The following SKAP1 variants were observed in gnomAD, a reference collection of about 807,000 sequenced individuals.
SKAP1 encodes the protein src kinase associated phosphoprotein 1, also known as src kinase-associated phosphoprotein 1.
In SKAP1, 44 loss-of-function variants were observed where a neutral mutation model predicts 58.5. That is an observed-to-expected ratio of 0.75 (90% CI 0.59 to 0.97). The LOEUF (loss-of-function observed/expected upper bound fraction) is 0.97. Ranked by LOEUF, SKAP1 falls within the 50% of genes least tolerant of loss-of-function variation. SKAP1 has a pLI of 0.00. For synonymous variants in SKAP1, 127 were observed against 149.7 expected (o/e 0.85, Z 1.11); for missense variants, 390 against 435.2 (o/e 0.90, Z 0.92).
intron 9 of SKAP1, 37 bp from the exon 10 acceptor site, chr17:48,170,696 TTCACAGTC>T: frequency 6.4e-7 from 1 of 1,553,704 alleles, no homozygotes; most frequent in Non-Finnish European, 8.8e-7. Flanking sequence ...CAATTAGTGG[TTCACAGTC>T]TCATGTTCTT....
intron 4 of SKAP1, among the ~76,000 whole-genome samples, chr17:48,275,274 C>T (rs1168657049): frequency 6.6e-6 from 1 of 152,134 alleles, no homozygotes; most frequent in East Asian, 1.9e-4. Context: ...CTTCTTAGTC[C>T]TTATTCTCTC....
intron 4 of SKAP1, among the ~76,000 whole-genome samples, chr17:48,326,827 T>A (rs1312151058): frequency 6.6e-6 from 1 of 152,128 alleles, no homozygotes; most frequent in Non-Finnish European, 1.5e-5. Context: ...TAAAATGCTT[T>A]CTTCCTAAAG....
intron 9 of SKAP1, among the ~76,000 whole-genome samples, chr17:48,173,577 C>A (rs949255907): frequency 6.6e-6 from 1 of 152,124 alleles, no homozygotes; most frequent in Non-Finnish European, 1.5e-5. Flanking sequence ...TAGAGATACC[C>A]AATAATTTGG....
chr17:48,166,736 G>A (rs1157152158), intron 10 of SKAP1, among the ~76,000 whole-genome samples: 1 of 152,208 alleles, frequency 6.6e-6, no homozygotes, highest in African/African-American at 2.4e-5. Context: ...TCCTACGAGA[G>A]GATGGGATGG....
chr17:48,186,402 C>A (rs1358605219), intron 6 of SKAP1, among the ~76,000 whole-genome samples: 2 of 152,158 alleles, frequency 1.3e-5, no homozygotes, highest in African/African-American at 4.8e-5. Flanking sequence ...CAGTGTGAGA[C>A]AATTGCTTGG....
intron 4 of SKAP1, among the ~76,000 whole-genome samples, chr17:48,270,540 T>C (rs982586063): frequency 6.6e-6 from 1 of 151,794 alleles, no homozygotes; most frequent in African/African-American, 2.4e-5. Flanking sequence ...ATGGGGTTTC[T>C]CCATGTTGGC....
At chr17:48,325,613 T>C (rs116930460) in intron 4 of SKAP1, among the ~76,000 whole-genome samples, 2,895 of 152,322 alleles carry the variant, frequency 0.019, 40 homozygotes, top group Non-Finnish European at 0.028. Flanking sequence ...AGCTGGTTTA[T>C]GGATTTCAAT....
chr17:48,134,025 C>T (rs908476249), intron 12 of SKAP1, among the ~76,000 whole-genome samples: 4 of 151,690 alleles, frequency 2.6e-5, no homozygotes, highest in Non-Finnish European at 5.9e-5. Flanking sequence ...CTTTTTTATA[C>T]AAATGGGGCA....
chr17:48,235,365 T>C (rs2065168804), intron 4 of SKAP1, among the ~76,000 whole-genome samples: 1 of 152,030 alleles, frequency 6.6e-6, no homozygotes, highest in African/African-American at 2.4e-5. Flanking sequence ...TGAAGGTCCA[T>C]AAAGTAACAA....
At chr17:48,152,413 G>A (rs891510762) in intron 11 of SKAP1, among the ~76,000 whole-genome samples, 2 of 152,154 alleles carry the variant, frequency 1.3e-5, no homozygotes, top group South Asian at 4.1e-4. Flanking sequence ...CAAAGCTTTT[G>A]TGACTCCTTT....
At chr17:48,161,364 A>C (rs2064065738) in intron 11 of SKAP1, among the ~76,000 whole-genome samples, 1 of 152,260 alleles carries the variant, frequency 6.6e-6, no homozygotes, top group African/African-American at 2.4e-5. Context: ...CCTATTTCAA[A>C]AATGTGTTTG....
At chr17:48,378,183 C>T (rs556731125) in intron 2 of SKAP1, among the ~76,000 whole-genome samples, 18 of 152,138 alleles carry the variant, frequency 1.2e-4, no homozygotes, top group East Asian at 3.9e-4. Context: ...ACATCGCAAA[C>T]GGTCCATCTG....
chr17:48,425,268 G>T (rs191349115), intron 1 of SKAP1, among the ~76,000 whole-genome samples: 49 of 152,078 alleles, frequency 3.2e-4, no homozygotes, highest in Admixed American at 9.8e-4. Flanking sequence ...AAAAAGAAAC[G>T]AAAACCCTCA....
Position 48,184,793 on chromosome 17 carries a change from G to A in SKAP1, c.497C>T (p.Pro166Leu), listed in dbSNP as rs1398260208. The change falls in exon 7 of 13, where the codon CCC (proline) becomes CTC (leucine). Residue 166 changes from proline to leucine, a missense_variant. Pro to Leu is a moderately conservative substitution (Grantham distance 98). Coordinates refer to ENST00000336915, the MANE Select transcript of SKAP1 (RefSeq NM_003726.4). ...LIKGYGVRMA[P>L]HLRRDSKKES... Reference sequence around the variant, plus strand: ...TTTCTTGGAATCTCTTCGCAGGTGGGGGGCCATCCGTACACCGTAGCCCTT... The same window carrying A: ...TTTCTTGGAATCTCTTCGCAGGTGGAGGGCCATCCGTACACCGTAGCCCTT... 2.3e-5 allele frequency: 37 copies of A among 1,614,012 alleles called. No individual in the cohort carries two copies. The highest frequency in any genetic ancestry group is 3.1e-5 in the Non-Finnish European group (37 of 1,179,910).
At position 48,371,458 on chromosome 17, in the gene SKAP1, A is replaced by C. The variant is rs117666379; in HGVS notation, c.153-7644T>G. Among the ~76,000 whole-genome samples the C allele has an allele frequency of 5.3e-4, 80 of 152,060 alleles. No homozygotes were observed. The East Asian group carries it at 0.013, about 24-fold the overall frequency. On this transcript the variant is annotated intron_variant, in intron 2 of 12. Coordinates refer to ENST00000336915, the MANE Select transcript of SKAP1 (RefSeq NM_003726.4). The stretch of plus-strand genomic sequence containing the variant: ...AAAGTACTCAGAGCTTTATTCCCTC[A>C]GTCAGCTAATTAGATAGATCCTGAT...
At chr17:48,317,858 AT>A (rs2066309103) in intron 4 of SKAP1, among the ~76,000 whole-genome samples, 1 of 152,312 alleles carries the variant, frequency 6.6e-6, no homozygotes, top group African/African-American at 2.4e-5. Flanking sequence ...CAGAGAAGCA[AT>A]CAAAGGGTAG....
intron 8 of SKAP1, among the ~76,000 whole-genome samples, chr17:48,180,459 T>C (rs2064353391): frequency 6.6e-6 from 1 of 152,172 alleles, no homozygotes; most frequent in Non-Finnish European, 1.5e-5. Flanking sequence ...GTTTAAACCA[T>C]CAACATAAAT....
intron 4 of SKAP1, among the ~76,000 whole-genome samples, chr17:48,272,720 TA>T (rs565815223): frequency 1.6e-3 from 236 of 151,504 alleles, no homozygotes; most frequent in Middle Eastern, 6.8e-3. Flanking sequence ...GACTCCTGGC[TA>T]AGTTTTTGTA....
chr17:48,191,184 C>T (rs570265780), intron 4 of SKAP1, among the ~76,000 whole-genome samples: 1 of 151,990 alleles, frequency 6.6e-6, no homozygotes, highest in South Asian at 2.1e-4. Flanking sequence ...ATACTTACTT[C>T]ACAGAAGGGA....
Sources: gnomAD v4.1 joint callset for allele counts (sites outside exome capture counted in the v4.1 genomes callset) on GRCh38, gnomAD v4.1.1 for gene constraint, MANE v1.5 for transcripts, NCBI Gene and HGNC (gene_info 2026-07-23, HGNC 2026-07-21) for gene names.